KIAA1217: variants seen among roughly 807,000 people sequenced by gnomAD.
KIAA1217 encodes the protein sickle tail protein homolog.
A neutral mutation model predicts 163.9 loss-of-function variants in KIAA1217; 88 were observed. The ratio of observed to expected loss-of-function variants is 0.54; its 90% CI spans 0.45 to 0.64. The LOEUF (loss-of-function observed/expected upper bound fraction) is 0.64, where lower values mean the gene tolerates loss of function less well. Ranked by LOEUF, KIAA1217 falls within the 30% of genes least tolerant of loss-of-function variation. KIAA1217 has a pLI of 0.00. For missense variants in KIAA1217, 2,372 were observed against 2,475.0 expected, an observed-to-expected ratio of 0.96 and a Z score of 0.88; for synonymous variants, 903 against 923.1, an observed-to-expected ratio of 0.98 and a Z score of 0.39.
intron 1 of KIAA1217, among the ~76,000 whole-genome samples, chr10:23,961,797 T>G (rs1255387198): frequency 6.6e-6 from 1 of 152,128 alleles, no homozygotes; most frequent in Non-Finnish European, 1.5e-5. Context: ...CAGGTGTGGG[T>G]TGGGCTGAAT....
At chr10:24,355,093 A>G (rs1326305132) in intron 2 of KIAA1217, among the ~76,000 whole-genome samples, 21 of 152,234 alleles carry the variant, frequency 1.4e-4, no homozygotes, top group Non-Finnish European at 3.1e-4. Context: ...AGATGAGGCC[A>G]GAGTTCAGCA....
At chr10:24,048,585 C>G (rs896033117) in intron 2 of KIAA1217, among the ~76,000 whole-genome samples, 8 of 152,040 alleles carry the variant, frequency 5.3e-5, no homozygotes, top group African/African-American at 1.9e-4. Flanking sequence ...AAAAAATTAG[C>G]CAGGCGTGGT....
At chr10:23,982,242 G>T (rs775520092) in intron 1 of KIAA1217, among the ~76,000 whole-genome samples, 1 of 152,092 alleles carries the variant, frequency 6.6e-6, no homozygotes, top group Admixed American at 6.6e-5. Context: ...AAAGAAACTG[G>T]GTATCAGGGA....
At chr10:24,043,243 A>G (rs1000904842) in intron 2 of KIAA1217, among the ~76,000 whole-genome samples, 2 of 152,196 alleles carry the variant, frequency 1.3e-5, no homozygotes, top group Non-Finnish European at 2.9e-5. Context: ...ACTTACTTTA[A>G]TAGAGTTTGA....
chr10:23,933,732 T>C lies in KIAA1217; in HGVS notation c.-320-73493T>C, dbSNP rs573811939. On this transcript the variant is annotated intron_variant, in intron 1 of 18. Coordinates refer to the KIAA1217 transcript ENST00000376462. Reference sequence around the variant, plus strand: ...CCCATCAAAAAGAGGGCAAAGGATATGAACTGACACTTCTCAAAAGAAGAC... The same window carrying C: ...CCCATCAAAAAGAGGGCAAAGGATACGAACTGACACTTCTCAAAAGAAGAC... Among the ~76,000 whole-genome samples the C allele has an allele frequency of 2.8e-4, 43 of 152,204 alleles. 1 individual carries two copies. In the South Asian group the frequency reaches 8.7e-3, roughly 31 times the overall value.
intron 1 of KIAA1217, among the ~76,000 whole-genome samples, chr10:23,915,770 G>A (rs1032825516): frequency 3.9e-5 from 6 of 152,160 alleles, no homozygotes; most frequent in African/African-American, 9.7e-5. Flanking sequence ...AGGCAGGGCC[G>A]ATGACCAGAC....
chr10:23,823,202 C>T (rs1469942328), intron 1 of KIAA1217, among the ~76,000 whole-genome samples: 2 of 152,146 alleles, frequency 1.3e-5, no homozygotes, highest in African/African-American at 4.8e-5. Flanking sequence ...TGGGGGAGAT[C>T]CACTTCTAAG....
At chr10:24,253,929 A>G (rs1189013644) in intron 2 of KIAA1217, among the ~76,000 whole-genome samples, 1 of 151,968 alleles carries the variant, frequency 6.6e-6, no homozygotes, top group Non-Finnish European at 1.5e-5. Context: ...AGAATATAAA[A>G]ATAATAAAAA....
At chr10:24,089,024 T>A (rs1232111678) in intron 2 of KIAA1217, among the ~76,000 whole-genome samples, 1 of 125,758 alleles carries the variant, frequency 8.0e-6, no homozygotes, top group African/African-American at 2.5e-5. Context: ...GTGGTTTTGA[T>A]TTGCATTTCT....
intron 2 of KIAA1217, among the ~76,000 whole-genome samples, chr10:24,298,026 G>A (rs2040826273): frequency 6.6e-6 from 1 of 151,956 alleles, no homozygotes; most frequent in Non-Finnish European, 1.5e-5. Context: ...TGGTGAAAAA[G>A]TGTTTTTATT....
chr10:24,164,517 A>G (rs894171366), intron 2 of KIAA1217, among the ~76,000 whole-genome samples: 1 of 152,192 alleles, frequency 6.6e-6, no homozygotes, highest in Non-Finnish European at 1.5e-5. Context: ...AGTCTGGAAT[A>G]GTTCTTGGTG....
intron 1 of KIAA1217, among the ~76,000 whole-genome samples, chr10:23,968,481 G>A (rs1187122832): frequency 6.6e-6 from 1 of 152,118 alleles, no homozygotes; most frequent in Non-Finnish European, 1.5e-5. Flanking sequence ...GCTTTATTGA[G>A]TCATAATTCA....
At chr10:23,846,195 G>A (rs898790972) in intron 1 of KIAA1217, among the ~76,000 whole-genome samples, 3 of 152,128 alleles carry the variant, frequency 2.0e-5, no homozygotes, top group African/African-American at 7.2e-5. Flanking sequence ...TTTTTGCTTA[G>A]GATTGTCTTG....
chr10:24,055,541 T>C (rs1589320961), intron 2 of KIAA1217, among the ~76,000 whole-genome samples: 1 of 152,316 alleles, frequency 6.6e-6, no homozygotes, highest in East Asian at 1.9e-4. Flanking sequence ...TTCTTACTTG[T>C]AATTTCAGAT....
chr10:23,754,338 T>C (rs1833813913), intron 1 of KIAA1217, among the ~76,000 whole-genome samples: 1 of 152,218 alleles, frequency 6.6e-6, no homozygotes, highest in African/African-American at 2.4e-5. Context: ...ATCTCTGTCC[T>C]AAAAGCAATC....
intron 2 of KIAA1217, among the ~76,000 whole-genome samples, chr10:24,183,488 C>G (rs559012531): frequency 2.4e-4 from 37 of 152,210 alleles, no homozygotes; most frequent in African/African-American, 8.7e-4. Context: ...GGCTAAATTA[C>G]TCTGTGTCCT....
intron 5 of KIAA1217, among the ~76,000 whole-genome samples, chr10:24,445,716 T>A (rs2060873694): frequency 6.6e-6 from 1 of 152,060 alleles, no homozygotes; most frequent in South Asian, 2.1e-4. Flanking sequence ...GAACTCATCA[T>A]TTTTTATGGC....
At chr10:24,454,891 A>G (rs1411896) in intron 5 of KIAA1217, among the ~76,000 whole-genome samples, 15,180 of 151,724 alleles carry the variant, frequency 0.1, 819 homozygotes, top group East Asian at 0.17. Flanking sequence ...CTCCACTGCA[A>G]CACAACTCGC....
chr10:23,925,320 G>T (rs909575959), intron 1 of KIAA1217, among the ~76,000 whole-genome samples: 1 of 152,148 alleles, frequency 6.6e-6, no homozygotes, highest in South Asian at 2.1e-4. Flanking sequence ...CTAAGCCAGT[G>T]CCAGGCCCTG....
Sources: gnomAD v4.1 joint callset for allele counts (sites outside exome capture counted in the v4.1 genomes callset) on GRCh38, gnomAD v4.1.1 for gene constraint, MANE v1.5 for transcripts, NCBI Gene and HGNC (gene_info 2026-07-23, HGNC 2026-07-21) for gene names.